DLC1: variants seen among roughly 807,000 people sequenced by gnomAD.
The protein encoded by DLC1 is DLC1 Rho GTPase activating protein, also known as rho GTPase-activating protein 7.
Under a neutral mutation model 140.3 loss-of-function variants are expected in DLC1, and 54 were observed. The ratio of observed to expected loss-of-function variants is 0.38; its 90% CI spans 0.31 to 0.48. The LOEUF is 0.48. Among genes scored for constraint, DLC1 ranks in the 20% least tolerant of loss-of-function variants. DLC1 has a pLI of 0.96. For missense variants in DLC1, 2,536 were observed against 1,907.0 expected, an observed-to-expected ratio of 1.33 and a Z score of -6.14; for synonymous variants, 986 against 728.1, an observed-to-expected ratio of 1.35 and a Z score of -5.70.
intron 5 of DLC1, among the ~76,000 whole-genome samples, chr8:13,132,523 G>T (rs1269389114): frequency 6.6e-6 from 1 of 152,162 alleles, no homozygotes; most frequent in Non-Finnish European, 1.5e-5. Context: ...CTAAGCTGGT[G>T]AATGACAGGA....
chr8:13,102,752 T>A (rs1283122654), intron 8 of DLC1, 38 bp downstream of exon 8: 1 of 1,568,104 alleles, frequency 6.4e-7, no homozygotes, highest in Non-Finnish European at 8.8e-7. Flanking sequence ...TGTTTGCCCC[T>A]TTTCCCCCTC....
intron 5 of DLC1, among the ~76,000 whole-genome samples, chr8:13,235,259 G>T (rs1391807154): frequency 1.4e-4 from 21 of 152,028 alleles, no homozygotes; most frequent in Admixed American, 1.3e-3. Context: ...GACTTTGGAG[G>T]CCACTCAGTA....
intron 5 of DLC1, among the ~76,000 whole-genome samples, chr8:13,234,832 G>C (rs542178630): frequency 1.3e-5 from 2 of 152,170 alleles, no homozygotes; most frequent in African/African-American, 2.4e-5. Context: ...GCAAAGAAAA[G>C]AGAGACTTGT....
At chr8:13,157,422 G>A (rs1312087011) in intron 5 of DLC1, among the ~76,000 whole-genome samples, 1 of 152,164 alleles carries the variant, frequency 6.6e-6, no homozygotes, top group Admixed American at 6.5e-5. Context: ...GCCTGCTAAT[G>A]CATAGCTTCA....
chr8:13,219,066 G>A (rs1828391779), intron 5 of DLC1, among the ~76,000 whole-genome samples: 1 of 37,400 alleles, frequency 2.7e-5, no homozygotes, highest in Non-Finnish European at 4.4e-5. Context: ...ATAATTACGT[G>A]AATATAATTA....
chr8:13,573,096 A>T (rs189498010), intron 1 of DLC1, among the ~76,000 whole-genome samples: 10 of 152,308 alleles, frequency 6.6e-5, no homozygotes, highest in Admixed American at 6.5e-4. Flanking sequence ...GAGCATTCCA[A>T]TTCACGCACA....
intron 4 of DLC1, among the ~76,000 whole-genome samples, chr8:13,325,581 G>T (rs1304259893): frequency 1.3e-5 from 2 of 152,104 alleles, no homozygotes; most frequent in Non-Finnish European, 2.9e-5. Flanking sequence ...CATAAACAAA[G>T]CATGCTGTCC....
intron 5 of DLC1, among the ~76,000 whole-genome samples, chr8:13,170,177 C>A (rs1825365994): frequency 1.3e-5 from 2 of 152,118 alleles, no homozygotes; most frequent in African/African-American, 4.8e-5. Flanking sequence ...GAAAAGGCCG[C>A]TGATGTATAC....
At chr8:13,190,646 A>G (rs1826695499) in intron 5 of DLC1, among the ~76,000 whole-genome samples, 1 of 152,214 alleles carries the variant, frequency 6.6e-6, no homozygotes, top group Admixed American at 6.5e-5. Context: ...AGATGCAGTT[A>G]TGTTTAGAGA....
intron 5 of DLC1, among the ~76,000 whole-genome samples, chr8:13,278,793 C>G (rs184442145): frequency 4.6e-5 from 7 of 152,262 alleles, no homozygotes; most frequent in Admixed American, 4.6e-4. Flanking sequence ...GGGAAATAAG[C>G]ATTCATTAAG....
chr8:13,423,845 A>G (rs1241529389), intron 2 of DLC1, among the ~76,000 whole-genome samples: 1 of 152,194 alleles, frequency 6.6e-6, no homozygotes, highest in African/African-American at 2.4e-5. Flanking sequence ...AAAAGGCTGA[A>G]TATTTTTATT....
intron 2 of DLC1, among the ~76,000 whole-genome samples, chr8:13,429,699 A>G (rs75651219): frequency 0.029 from 4,439 of 152,272 alleles, 213 homozygotes; most frequent in African/African-American, 0.1. Context: ...GCAACCTTGC[A>G]TTTCTTGTTA....
chr8:13,296,667 A>G (rs1273831093), intron 5 of DLC1, among the ~76,000 whole-genome samples: 2 of 152,130 alleles, frequency 1.3e-5, no homozygotes, highest in Non-Finnish European at 2.9e-5. Flanking sequence ...TACTCTGTGC[A>G]AGATATCACA....
rs543099553 is a variant in DLC1 at position 13,433,980 on chromosome 8, C to T, written c.1024-32361G>A. The stretch of plus-strand genomic sequence containing the variant: ...AAGCAATTCTTCTGCCTCAGCCTCC[C>T]GAGCAGCTGCGATTACAGGCCTGTG... On this transcript the variant is annotated intron_variant, in intron 2 of 17. Coordinates refer to ENST00000276297, the MANE Select transcript of DLC1 (RefSeq NM_182643.3). Among the ~76,000 whole-genome samples, 14 of 152,260 alleles carry T rather than the reference C, an allele frequency of 9.2e-5. No homozygotes were observed. The East Asian group carries it at 2.1e-3, about 23-fold the overall frequency.
At chr8:13,546,242 T>G (rs2117343350) in intron 1 of DLC1, among the ~76,000 whole-genome samples, 1 of 152,252 alleles carries the variant, frequency 6.6e-6, no homozygotes, top group African/African-American at 2.4e-5. Flanking sequence ...CTCATGGAAT[T>G]TTATGGTCTG....
chr8:13,249,073 C>T (rs187569058), intron 5 of DLC1, among the ~76,000 whole-genome samples: 3 of 152,218 alleles, frequency 2.0e-5, no homozygotes, highest in South Asian at 2.1e-4. Context: ...CTCAAACCTT[C>T]GTTTTTCTTT....
chr8:13,333,332 C>G (rs1167882459), intron 4 of DLC1, among the ~76,000 whole-genome samples: 1 of 152,162 alleles, frequency 6.6e-6, no homozygotes, highest in Non-Finnish European at 1.5e-5. Context: ...CTCAAGCCAT[C>G]CTCCCACCTC....
At chr8:13,445,568 G>C (rs923698346) in intron 2 of DLC1, among the ~76,000 whole-genome samples, 1 of 152,158 alleles carries the variant, frequency 6.6e-6, no homozygotes, top group Non-Finnish European at 1.5e-5. Context: ...TAATCAAAAA[G>C]AGCAGAGCAC....
chr8:13,159,295 C>G (rs188917583), intron 5 of DLC1, among the ~76,000 whole-genome samples: 1 of 152,258 alleles, frequency 6.6e-6, no homozygotes, highest in Admixed American at 6.5e-5. Context: ...GAGTATCACA[C>G]GGGATGCCAA....
Sources: gnomAD v4.1 joint callset for allele counts (sites outside exome capture counted in the v4.1 genomes callset) on GRCh38, gnomAD v4.1.1 for gene constraint, MANE v1.5 for transcripts, NCBI Gene and HGNC (gene_info 2026-07-23, HGNC 2026-07-21) for gene names.